KIRREL3: variants seen among roughly 807,000 people sequenced by gnomAD.
KIRREL3 encodes kin of IRRE-like protein 3.
Under a neutral mutation model 89.7 loss-of-function variants are expected in KIRREL3, and 36 were observed. The observed-to-expected ratio is 0.40, with a 90% CI of 0.31 to 0.53. KIRREL3 has a LOEUF of 0.53. KIRREL3 is among the 20% of genes least tolerant of loss of function. KIRREL3 has a pLI of 0.49. For missense variants in KIRREL3, 864 were observed against 1,056.6 expected (o/e 0.82, Z 2.53); for synonymous variants, 445 against 441.4 (o/e 1.01, Z -0.10).
At chr11:126,549,115 G>T (rs1202309835) in intron 2 of KIRREL3, among the ~76,000 whole-genome samples, 12 of 152,140 alleles carry the variant, frequency 7.9e-5, no homozygotes, top group Admixed American at 7.9e-4. Flanking sequence ...CGGAGATGGG[G>T]ACTATTCCAT....
Position 126,898,245 on chromosome 11 carries a change from A to T in KIRREL3, c.55+102210T>A, listed in dbSNP as rs185200758. 6.6e-6 allele frequency among the ~76,000 whole-genome samples: 1 copy of T among 152,304 alleles called. No individual in the cohort carries two copies. The highest frequency in any genetic ancestry group is 6.5e-5 in the Admixed American group (1 of 15,294). ...ACTTTATGCCAATTAGGTTAGCAAG[A>T]ATTAGAAAACTGAAGGATACCAAGG... On this transcript the variant is annotated intron_variant, in intron 1 of 16. Transcript: ENST00000525144. This position sits in a 1 kb window ranked among gnomAD's most constrained non-coding sequence, Gnocchi z 4.9.
chr11:126,504,594 A>T (rs78321730), intron 4 of KIRREL3, among the ~76,000 whole-genome samples: 18,079 of 152,282 alleles, frequency 0.12, 1,286 homozygotes, highest in Middle Eastern at 0.17. Flanking sequence ...CTATCAAATA[A>T]TATCAATCCT....
rs935569500 is a variant in KIRREL3 at position 126,516,506 on chromosome 11, C to T, written c.433+4809G>A. Among the ~76,000 whole-genome samples the T allele has an allele frequency of 1.3e-5, 2 of 152,188 alleles. No homozygotes were observed. Among genetic ancestry groups the T allele is most frequent in the Non-Finnish European group, 2.9e-5 (2 of 68,034 alleles). The stretch of plus-strand genomic sequence containing the variant: ...CGACCGCCTTCTCTCTGCCAGAATG[C>T]AAGCTCCACCAGGGCAAGGATGGTT... On this transcript the variant is annotated intron_variant, in intron 4 of 16. Transcript: ENST00000525144. The surrounding 1 kb of genome is among the most constrained non-coding windows in gnomAD (Gnocchi z 4.9).
intron 2 of KIRREL3, among the ~76,000 whole-genome samples, chr11:126,543,332 T>A (rs542504931): frequency 1.3e-5 from 2 of 152,266 alleles, no homozygotes; most frequent in African/African-American, 4.8e-5. Flanking sequence ...GAGGGGAAGC[T>A]TTCTGCTTTT....
chr11:126,604,791 C>T (rs866290905), intron 1 of KIRREL3, among the ~76,000 whole-genome samples: 2 of 152,134 alleles, frequency 1.3e-5, no homozygotes, highest in Non-Finnish European at 2.9e-5. Context: ...AGGAGGTCTT[C>T]GAAAGGAGGT....
rs78930628 is a variant in KIRREL3 at position 126,860,966 on chromosome 11, C to T, written c.55+139489G>A. ...TGGTGCTACCAGAGGCAAACAAATT[C>T]TCCCTCCTTTGTGCCCTCCTGCTTT... On this transcript the variant is annotated intron_variant, in intron 1 of 16. Coordinates refer to ENST00000525144, the MANE Select transcript of KIRREL3 (RefSeq NM_032531.4). This position sits in a 1 kb window ranked among gnomAD's most constrained non-coding sequence, Gnocchi z 4.6. Among the ~76,000 whole-genome samples, 180 of 152,314 alleles carry T rather than the reference C, an allele frequency of 1.2e-3. 4 individuals carry two copies. In the East Asian group the frequency reaches 0.027, roughly 23 times the overall value.
intron 2 of KIRREL3, among the ~76,000 whole-genome samples, chr11:126,560,315 A>G (rs937686300): frequency 6.6e-6 from 1 of 152,060 alleles, no homozygotes; most frequent in Non-Finnish European, 1.5e-5. Flanking sequence ...TATATTACCA[A>G]CCACCTCCAT....
rs914452513 is a variant in KIRREL3 at position 126,900,690 on chromosome 11, G to A, written c.55+99765C>T. Among the ~76,000 whole-genome samples the A allele has an allele frequency of 2.0e-5, 3 of 152,164 alleles. No individual in the cohort carries two copies. Among genetic ancestry groups the A allele is most frequent in the Non-Finnish European group, 2.9e-5 (2 of 68,038 alleles). ...GTCAAACTTTAAAGTATAATATGCC[G>A]TGATCTTGTTAAAATCTTTCCTGTA... On this transcript the variant is annotated intron_variant, in intron 1 of 16. Transcript: ENST00000525144. This position sits in a 1 kb window ranked among gnomAD's most constrained non-coding sequence, Gnocchi z 4.4.
chr11:126,956,021 T>C (rs1479767260), intron 1 of KIRREL3, among the ~76,000 whole-genome samples: 1 of 152,226 alleles, frequency 6.6e-6, no homozygotes, highest in East Asian at 1.9e-4. Context: ...GACCCATTGC[T>C]GGGCTCTCAG....
intron 1 of KIRREL3, among the ~76,000 whole-genome samples, chr11:126,966,139 G>C (rs1220752538): frequency 6.6e-6 from 1 of 152,122 alleles, no homozygotes; most frequent in Non-Finnish European, 1.5e-5. Context: ...CCTGCAATAG[G>C]ATTTTGGAAT....
At chr11:126,743,652 T>C (rs1365386373) in intron 1 of KIRREL3, among the ~76,000 whole-genome samples, 1 of 152,260 alleles carries the variant, frequency 6.6e-6, no homozygotes, top group Non-Finnish European at 1.5e-5. Context: ...CTTTTCTACT[T>C]ACTAGCTGTG....
At position 126,424,075 on chromosome 11, in the gene KIRREL3, T is replaced by C. The variant is rs1444441138; in HGVS notation, c.*505A>G. The C allele has an allele frequency of 1.8e-5, 3 of 166,138 alleles. No individual in the cohort carries two copies. Among genetic ancestry groups the C allele is most frequent in the African/African-American group, 7.2e-5 (3 of 41,818 alleles). The allele number at this position is 166,138 out of a possible 1,614,324, so 10.3% of individuals were successfully genotyped here. Reference sequence around the variant, plus strand: ...TTGTCAGCCTCCAGGGTATGGGCTATGAGCAGCAGTGGGGAGCCGGGGTTT... The same window carrying C: ...TTGTCAGCCTCCAGGGTATGGGCTACGAGCAGCAGTGGGGAGCCGGGGTTT... On this transcript the variant is annotated 3_prime_UTR_variant, in exon 17 of 17. Coordinates refer to ENST00000525144, the MANE Select transcript of KIRREL3 (RefSeq NM_032531.4).
rs1251460427 is a variant in KIRREL3, at chr11:126,498,791, G to A, written c.433+22524C>T. Among the ~76,000 whole-genome samples, 1 of 152,176 alleles carries A rather than the reference G, an allele frequency of 6.6e-6. No individual in the cohort carries two copies. Among genetic ancestry groups the A allele is most frequent in the Non-Finnish European group, 1.5e-5 (1 of 68,026 alleles). ...CTAAGGTTGAGTCCCCCTCCCACAG[G>A]AGCACCTGCGTGGGCCCTCAGTAAA... is the stretch of plus-strand genomic sequence containing the variant. On this transcript the variant is annotated intron_variant, in intron 4 of 16. Coordinates refer to ENST00000525144, the MANE Select transcript of KIRREL3 (RefSeq NM_032531.4). This position sits in a 1 kb window ranked among gnomAD's most constrained non-coding sequence, Gnocchi z 4.3.
In KIRREL3 at chr11:126,728,989, C is replaced by G. The variant is rs545313809; in HGVS notation, c.56-166077G>C. Among the ~76,000 whole-genome samples, 15 of 152,338 alleles carry G rather than the reference C, an allele frequency of 9.8e-5. No individual in the cohort carries two copies. The East Asian group carries it at 2.7e-3, about 27-fold the overall frequency. On this transcript the variant is annotated intron_variant, in intron 1 of 16. Coordinates refer to ENST00000525144, the MANE Select transcript of KIRREL3 (RefSeq NM_032531.4). ...GGCTGGGCAGTGGGCTGTCCTGTTG[C>G]TGAGGAGACCTTGAGGAGGAGGCTT... is the stretch of plus-strand genomic sequence containing the variant.
At position 126,924,599 on chromosome 11, in the gene KIRREL3, A is replaced by C. The variant is rs1178064092; in HGVS notation, c.55+75856T>G. ...CTGACTCCCTCCCAGAAGGCCCCAG[A>C]GTAGTCTTGATTTAAAGGCAGGGCT... is the stretch of plus-strand genomic sequence containing the variant. On this transcript the variant is annotated intron_variant, in intron 1 of 16. Coordinates refer to ENST00000525144, the MANE Select transcript of KIRREL3 (RefSeq NM_032531.4). This position sits in a 1 kb window ranked among gnomAD's most constrained non-coding sequence, Gnocchi z 4.7. Among the ~76,000 whole-genome samples, 2 of 152,134 alleles carry C rather than the reference A, an allele frequency of 1.3e-5. No homozygotes were observed. Among genetic ancestry groups the C allele is most frequent in the Admixed American group, 1.3e-4 (2 of 15,270 alleles).
rs1025272618 is a variant in KIRREL3 at position 126,607,139 on chromosome 11, G to A, written c.56-44227C>T. ...AGTAGCTAGGGCCTCCCAGGAGGTC[G>A]TCAGAGTGGATGGAGGGGCAAAGCC... On this transcript the variant is annotated intron_variant, in intron 1 of 16. Coordinates refer to ENST00000525144, the MANE Select transcript of KIRREL3 (RefSeq NM_032531.4). The surrounding 1 kb of genome is among the most constrained non-coding windows in gnomAD (Gnocchi z 6.6). Among the ~76,000 whole-genome samples, 2 of 152,164 alleles carry A rather than the reference G, an allele frequency of 1.3e-5. No individual in the cohort carries two copies. The highest frequency in any genetic ancestry group is 2.9e-5 in the Non-Finnish European group (2 of 68,028).
chr11:126,552,041 CAA>C (rs1255686124), intron 2 of KIRREL3, among the ~76,000 whole-genome samples: 1 of 152,240 alleles, frequency 6.6e-6, no homozygotes, highest in Non-Finnish European at 1.5e-5. Context: ...GGATACCAAG[CAA>C]AGAGACAATG....
rs1227609523 is a variant in KIRREL3 at position 126,896,177 on chromosome 11, C to T, written c.55+104278G>A. On this transcript the variant is annotated intron_variant, in intron 1 of 16. Transcript: ENST00000525144. The surrounding 1 kb of genome is among the most constrained non-coding windows in gnomAD (Gnocchi z 4.1). The stretch of plus-strand genomic sequence containing the variant: ...AAGCTGGACCTGTTAAAGGCAAGGC[C>T]TTCATTAGTCAGAGAGAAGTCATTC... Among the ~76,000 whole-genome samples the T allele has an allele frequency of 6.6e-6, 1 of 152,228 alleles. No homozygotes were observed. Among genetic ancestry groups the T allele is most frequent in the Admixed American group, 6.5e-5 (1 of 15,292 alleles).
chr11:126,695,689 A>G (rs548561912), intron 1 of KIRREL3, among the ~76,000 whole-genome samples: 3 of 152,102 alleles, frequency 2.0e-5, no homozygotes, highest in Admixed American at 2.0e-4. Flanking sequence ...CCTGTCTGTG[A>G]GCTTTCGTGT....
Sources: gnomAD v4.1 joint callset for allele counts (sites outside exome capture counted in the v4.1 genomes callset) on GRCh38, gnomAD v4.1.1 for gene constraint, Gnocchi (gnomAD v3.1) non-coding constraint, MANE v1.5 for transcripts, NCBI Gene and HGNC (gene_info 2026-07-23, HGNC 2026-07-21) for gene names.